Variants in DDX60L observed in about 807,000 individuals in gnomAD.
The protein encoded by DDX60L is probable ATP-dependent RNA helicase DDX60-like.
Under a neutral mutation model 211.6 loss-of-function variants are expected in DDX60L, and 191 were observed. The observed-to-expected ratio is 0.90, with a 90% CI of 0.80 to 1.02. The LOEUF (loss-of-function observed/expected upper bound fraction) is 1.02, where lower values mean the gene tolerates loss of function less well. Ranked by LOEUF, DDX60L falls within the 50% of genes least tolerant of loss-of-function variation. The pLI, the probability that DDX60L is intolerant of heterozygous loss-of-function variation, is 0.00. For missense variants in DDX60L, 2,007 were observed against 1,984.1 expected, an observed-to-expected ratio of 1.01 and a Z score of -0.22; for synonymous variants, 706 against 694.1, an observed-to-expected ratio of 1.02 and a Z score of -0.27.
chr4:168,401,429 A>G lies in DDX60L; in HGVS notation c.3339-451T>C, dbSNP rs1450231580. Among the ~76,000 whole-genome samples, 4 of 152,364 alleles carry G rather than the reference A, an allele frequency of 2.6e-5. No individual in the cohort carries two copies. In the East Asian group the frequency reaches 7.7e-4, roughly 29 times the overall value. On this transcript the variant is annotated intron_variant, in intron 25 of 37. Transcript: ENST00000682922. ...CTGCCTTTCTGGACCAAACCAAGGT[A>G]TATGTTAAATGTATTTGATTAATGT... is the stretch of plus-strand genomic sequence containing the variant.
intron 33 of DDX60L, among the ~76,000 whole-genome samples, chr4:168,378,030 C>T (rs1170233408): frequency 2.6e-5 from 4 of 152,182 alleles, no homozygotes; most frequent in Admixed American, 2.0e-4. Flanking sequence ...TAGCTGTAAA[C>T]AATCCCAATG....
At chr4:168,405,850 G>T in intron 24 of DDX60L, 100 bp downstream of exon 24, 2 of 1,285,010 alleles carry the variant, frequency 1.6e-6, no homozygotes, top group Non-Finnish European at 1.0e-6. Context: ...AACAAAAATC[G>T]GAATAAAAAG....
At chr4:168,439,685 C>T (rs1431914318) in intron 10 of DDX60L, among the ~76,000 whole-genome samples, 1 of 152,074 alleles carries the variant, frequency 6.6e-6, no homozygotes, top group Non-Finnish European at 1.5e-5. Flanking sequence ...AATGAAAATG[C>T]AAAGGATTCA....
At chr4:168,376,840 T>C (rs971684417) in intron 33 of DDX60L, among the ~76,000 whole-genome samples, 4 of 152,222 alleles carry the variant, frequency 2.6e-5, no homozygotes, top group African/African-American at 9.7e-5. Context: ...CCAATCATGA[T>C]TTTTGCTATA....
intron 10 of DDX60L, among the ~76,000 whole-genome samples, chr4:168,436,236 G>A (rs1445349132): frequency 6.6e-6 from 1 of 152,190 alleles, no homozygotes; most frequent in East Asian, 1.9e-4. Flanking sequence ...ACGATTGCAG[G>A]CTTCCCTCAT....
intron 4 of DDX60L, among the ~76,000 whole-genome samples, chr4:168,467,939 G>T (rs1758234437): frequency 6.6e-6 from 1 of 152,190 alleles, no homozygotes; most frequent in African/African-American, 2.4e-5. Context: ...GGCTGAAGCA[G>T]GCAGATCACC....
intron 6 of DDX60L, among the ~76,000 whole-genome samples, chr4:168,456,550 A>G (rs1404117875): frequency 1.3e-5 from 2 of 152,182 alleles, no homozygotes; most frequent in Admixed American, 6.5e-5. Flanking sequence ...TTAAAATAAT[A>G]TCACACAACA....
At chr4:168,469,600 C>T (rs115134776) in intron 4 of DDX60L, 1,879 of 152,240 alleles carry the variant, frequency 0.012, 16 homozygotes, top group Non-Finnish European at 0.021. Flanking sequence ...AAGTGGCAGC[C>T]GGGCACGGTG....
At chr4:168,420,159 A>G in intron 18 of DDX60L, 102 bp downstream of exon 18, 1 of 1,006,242 alleles carries the variant, frequency 9.9e-7, no homozygotes, top group Non-Finnish European at 1.4e-6. Context: ...ATTCAGTGAA[A>G]TGATTTCTAT....
At chr4:168,409,620 A>G (rs918262350) in intron 22 of DDX60L, among the ~76,000 whole-genome samples, 1 of 152,238 alleles carries the variant, frequency 6.6e-6, no homozygotes, top group Non-Finnish European at 1.5e-5. Context: ...AAAAAACTAC[A>G]TAATAAAATT....
At chr4:168,450,225 G>A (rs1755616471) in intron 8 of DDX60L, among the ~76,000 whole-genome samples, 1 of 152,120 alleles carries the variant, frequency 6.6e-6, no homozygotes, top group Non-Finnish European at 1.5e-5. Flanking sequence ...TGCAGACCTT[G>A]CACGTGATGG....
At chr4:168,450,790 C>T (rs976153549) in intron 8 of DDX60L, among the ~76,000 whole-genome samples, 1 of 152,022 alleles carries the variant, frequency 6.6e-6, no homozygotes, top group East Asian at 1.9e-4. Flanking sequence ...GCGTATAGTC[C>T]CATCTATTAG....
chr4:168,401,810 T>C (rs1299943775), intron 25 of DDX60L, among the ~76,000 whole-genome samples: 1 of 152,194 alleles, frequency 6.6e-6, no homozygotes, highest in Non-Finnish European at 1.5e-5. Context: ...TGATCAGCAT[T>C]AAATTAATAC....
At position 168,448,634 on chromosome 4, in the gene DDX60L, C is replaced by G. The variant is rs757722476; in HGVS notation, c.1138+4G>C. ...TATAATGTTAATGCATATTCAGGTA[C>G]TACCTTGAGTACTTTCAAATTCATA... On this transcript the variant is annotated splice_donor_region_variant and intron_variant, in intron 9 of 37. Coordinates refer to ENST00000682922, the MANE Select transcript of DDX60L (RefSeq NM_001012967.3). 59 of 1,525,702 alleles carry G rather than the reference C, an allele frequency of 3.9e-5. No homozygotes were observed. The South Asian group carries it at 6.9e-4, about 18-fold the overall frequency. The allele number at this position is 1,525,702 out of a possible 1,614,324, so 94.5% of individuals were successfully genotyped here. A position where few individuals can be genotyped will look rare whatever the true frequency, so the allele number is the denominator to read the frequency against.
rs1158785099 is a variant in DDX60L, at chr4:168,443,085, T to C, written c.1139-1593A>G. On this transcript the variant is annotated intron_variant, in intron 9 of 37. Coordinates refer to ENST00000682922, the MANE Select transcript of DDX60L (RefSeq NM_001012967.3). ...CAGACGATCAAATTACTCTGAGCTA[T>C]GGGAGGACATTCAAACCAAAGGCAA... Among the ~76,000 whole-genome samples, 659 of 151,658 alleles carry C rather than the reference T, an allele frequency of 4.3e-3. 13 individuals carry two copies. Among genetic ancestry groups the C allele is most frequent in the Admixed American group, 0.039 (595 of 15,112 alleles).
chr4:168,393,047 C>G (rs1033937048), intron 28 of DDX60L, among the ~76,000 whole-genome samples: 1 of 152,108 alleles, frequency 6.6e-6, no homozygotes, highest in African/African-American at 2.4e-5. Flanking sequence ...TAATTAATAA[C>G]CTTTATGAAA....
rs1195388365 is a variant in DDX60L at position 168,374,531 on chromosome 4, T to C, written c.4634-723A>G. Among the ~76,000 whole-genome samples the C allele has an allele frequency of 5.3e-5, 8 of 152,174 alleles. 1 individual carries two copies. Among genetic ancestry groups the C allele is most frequent in the Admixed American group, 3.9e-4 (6 of 15,280 alleles). ...CAGTTACTCCTCAATCAAGAACAAA[T>C]AATTGAAGCAAAGAATGATATTTGC... On this transcript the variant is annotated intron_variant, in intron 34 of 37. Coordinates refer to ENST00000682922, the MANE Select transcript of DDX60L (RefSeq NM_001012967.3).
At position 168,457,942 on chromosome 4, in the gene DDX60L, C is replaced by T; in HGVS notation, c.673G>A (p.Val225Ile). The T allele has an allele frequency of 6.4e-7, 1 of 1,572,252 alleles. No homozygotes were observed. The highest frequency in any genetic ancestry group is 1.2e-5 in the South Asian group (1 of 85,566). ...IQHLEEIRVL[V>I]LATHFEHLKW... ...AAATGTTCAAAATGAGTTGCTAATA[C>T]TAAAACCCTTATTTCTTCCAAGTGT... Residue 225 changes from valine to isoleucine, a missense_variant, in exon 6 of 38, where the codon GTA (valine) becomes ATA (isoleucine). By Grantham distance (29) the Val-to-Ile change is conservative (BLOSUM62 3). Coordinates refer to ENST00000682922, the MANE Select transcript of DDX60L (RefSeq NM_001012967.3).
intron 12 of DDX60L, among the ~76,000 whole-genome samples, 195 bp downstream of exon 12, chr4:168,432,256 GTATA>G (rs372165789): frequency 6.8e-6 from 1 of 147,078 alleles, no homozygotes; most frequent in Non-Finnish European, 1.5e-5. Flanking sequence ...GTGTGTGTGT[GTATA>G]TATATATACA....
Sources: gnomAD v4.1 joint callset for allele counts (sites outside exome capture counted in the v4.1 genomes callset) on GRCh38, gnomAD v4.1.1 for gene constraint, MANE v1.5 for transcripts, NCBI Gene and HGNC (gene_info 2026-07-23, HGNC 2026-07-21) for gene names.